The following TBC1D12 variants were observed in gnomAD, a reference collection of about 807,000 sequenced individuals.
The protein encoded by TBC1D12 is TBC1 domain family, member 12.
A neutral mutation model predicts 86.7 loss-of-function variants in TBC1D12; 56 were observed. The observed-to-expected ratio is 0.65, with a 90% confidence interval of 0.52 to 0.81. TBC1D12 has a LOEUF of 0.81. Ranked by LOEUF, TBC1D12 falls within the 30% of genes least tolerant of loss-of-function variation. The pLI is 0.00. For missense variants in TBC1D12, 1,023 were observed against 1,038.8 expected, an observed-to-expected ratio of 0.98 and a Z score of 0.21; for synonymous variants, 421 against 411.7, an observed-to-expected ratio of 1.02 and a Z score of -0.27.
chr10:94,514,738 G>A (rs1020938275), intron 9 of TBC1D12, among the ~76,000 whole-genome samples: 3 of 152,038 alleles, frequency 2.0e-5, no homozygotes. Flanking sequence ...GGGAGTGCAG[G>A]TATCTTTTTG....
intron 1 of TBC1D12, among the ~76,000 whole-genome samples, chr10:94,407,302 G>A (rs1287021237): frequency 6.6e-6 from 1 of 152,164 alleles, no homozygotes; most frequent in Non-Finnish European, 1.5e-5. Flanking sequence ...GCTTCACATG[G>A]ACACCTTTCT....
chr10:94,421,136 C>T (rs1215545582), intron 1 of TBC1D12, among the ~76,000 whole-genome samples: 1 of 152,122 alleles, frequency 6.6e-6, no homozygotes, highest in Non-Finnish European at 1.5e-5. Flanking sequence ...ACCAATATTT[C>T]CCCTTTTCCC....
At chr10:94,531,096 C>T (rs1842407748) in intron 11 of TBC1D12, 106 bp from the exon 12 acceptor site, 3 of 1,300,392 alleles carry the variant, frequency 2.3e-6, no homozygotes, top group African/African-American at 3.0e-5. Context: ...TGTTATTTGC[C>T]TTCTTATCCC....
intron 1 of TBC1D12, among the ~76,000 whole-genome samples, chr10:94,405,441 C>A (rs1346733611): frequency 6.6e-6 from 1 of 152,052 alleles, no homozygotes; most frequent in Non-Finnish European, 1.5e-5. Flanking sequence ...TTACTCAGGA[C>A]AATATATGTA....
At chr10:94,495,341 A>T (rs2056301092) in intron 4 of TBC1D12, among the ~76,000 whole-genome samples, 1 of 151,724 alleles carries the variant, frequency 6.6e-6, no homozygotes, top group Admixed American at 6.6e-5. Flanking sequence ...ATTTTTTAGA[A>T]GTTATTTTGT....
At chr10:94,415,584 A>C (rs2054988876) in intron 1 of TBC1D12, among the ~76,000 whole-genome samples, 1 of 152,148 alleles carries the variant, frequency 6.6e-6, no homozygotes, top group South Asian at 2.1e-4. Flanking sequence ...ATACAAAAAA[A>C]CTAGCTGGGC....
chr10:94,485,999 T>G (rs1390660735), intron 3 of TBC1D12, among the ~76,000 whole-genome samples: 1 of 152,062 alleles, frequency 6.6e-6, no homozygotes, highest in Non-Finnish European at 1.5e-5. Context: ...TTGAGTCTTC[T>G]TTTTTTCTTA....
intron 1 of TBC1D12, among the ~76,000 whole-genome samples, chr10:94,437,443 A>C (rs75671515): frequency 0.031 from 4,643 of 151,624 alleles, 113 homozygotes; most frequent in Middle Eastern, 0.14. Flanking sequence ...CTTCTGCCTC[A>C]GCCCTCCGGA....
At chr10:94,501,072 AAATG>A (rs199587549) in intron 6 of TBC1D12, among the ~76,000 whole-genome samples, 103 of 143,346 alleles carry the variant, frequency 7.2e-4, no homozygotes, top group African/African-American at 1.9e-3. Context: ...ATGAATGAAT[AAATG>A]AATGAATGAA....
chr10:94,489,167 G>A (rs2056212763), intron 3 of TBC1D12, among the ~76,000 whole-genome samples: 1 of 152,196 alleles, frequency 6.6e-6, no homozygotes, highest in African/African-American at 2.4e-5. Context: ...GAGGCTTGCC[G>A]AAACTCAAGT....
chr10:94,417,721 A>T (rs912059828), intron 1 of TBC1D12, among the ~76,000 whole-genome samples: 1 of 151,290 alleles, frequency 6.6e-6, no homozygotes, highest in African/African-American at 2.4e-5. Context: ...GACTTCCATA[A>T]TTACCTCTAT....
chr10:94,517,644 A>C (rs1321334089), intron 9 of TBC1D12, among the ~76,000 whole-genome samples: 1 of 152,182 alleles, frequency 6.6e-6, no homozygotes, highest in East Asian at 1.9e-4. Context: ...TCACTGACAA[A>C]CCAGTCAGTC....
intron 6 of TBC1D12, among the ~76,000 whole-genome samples, chr10:94,502,569 G>A (rs1432833674): frequency 6.6e-6 from 1 of 151,864 alleles, no homozygotes; most frequent in Non-Finnish European, 1.5e-5. Flanking sequence ...TAGCCAGGCA[G>A]CCCGCATGTG....
At chr10:94,453,736 T>C (rs369886386) in intron 2 of TBC1D12, among the ~76,000 whole-genome samples, 3 of 152,228 alleles carry the variant, frequency 2.0e-5, no homozygotes, top group African/African-American at 4.8e-5. Flanking sequence ...CTAGGAGTTA[T>C]ATAGTTTTGT....
chr10:94,527,248 C>T (rs1447043968), intron 11 of TBC1D12, among the ~76,000 whole-genome samples: 1 of 151,934 alleles, frequency 6.6e-6, no homozygotes, highest in East Asian at 1.9e-4. Flanking sequence ...GTGCACCAGA[C>T]CTGGCTAATT....
intron 1 of TBC1D12, among the ~76,000 whole-genome samples, chr10:94,404,859 C>T (rs1479334542): frequency 6.6e-6 from 1 of 151,830 alleles, no homozygotes; most frequent in Non-Finnish European, 1.5e-5. Context: ...CCAGCCTGGC[C>T]AACATGGTGA....
chr10:94,522,106 A>C, intron 10 of TBC1D12, 23 bp downstream of exon 10: 1 of 1,601,590 alleles, frequency 6.2e-7, no homozygotes, highest in Non-Finnish European at 8.5e-7. Context: ...CATGTTTTCC[A>C]TTGTTTCTGT....
chr10:94,480,411 A>G (rs966282934), intron 3 of TBC1D12, among the ~76,000 whole-genome samples: 15 of 152,188 alleles, frequency 9.9e-5, no homozygotes, highest in Admixed American at 8.5e-4. Flanking sequence ...CTGCTTATAT[A>G]GATCAAGTAA....
At chr10:94,454,597 A>G (rs1186760046) in intron 2 of TBC1D12, among the ~76,000 whole-genome samples, 6 of 152,180 alleles carry the variant, frequency 3.9e-5, no homozygotes, top group Non-Finnish European at 7.3e-5. Context: ...ACTTTTCCTC[A>G]TACGGATCTT....
Sources: allele counts gnomAD v4.1 joint callset (sites outside exome capture counted in the v4.1 genomes callset), GRCh38; gene constraint gnomAD v4.1.1; transcripts MANE v1.5; gene names NCBI Gene and HGNC (gene_info 2026-07-23, HGNC 2026-07-21).